PTPRD: variants seen among roughly 807,000 people sequenced by gnomAD.
The protein encoded by PTPRD is receptor-type tyrosine-protein phosphatase delta.
In PTPRD, 34 loss-of-function variants were observed where a neutral mutation model predicts 214.5. The observed-to-expected ratio is 0.16, with a 90% CI of 0.12 to 0.21. The LOEUF is 0.21. PTPRD is among the 10% of genes least tolerant of loss of function. PTPRD has a pLI of 1.00. For missense variants in PTPRD, 2,545 were observed against 2,398.7 expected (o/e 1.06, Z -1.27); for synonymous variants, 1,128 against 845.7 (o/e 1.33, Z -5.79).
At chr9:9,820,497 AC>A (rs532957302) in intron 5 of PTPRD, among the ~76,000 whole-genome samples, 15 of 152,188 alleles carry the variant, frequency 9.9e-5, no homozygotes, top group Middle Eastern at 3.4e-3. Flanking sequence ...ATTAGGTTCC[AC>A]TTGTCAATTT....
chr9:8,343,377 T>C (rs1854382117), intron 39 of PTPRD, among the ~76,000 whole-genome samples: 1 of 151,992 alleles, frequency 6.6e-6, no homozygotes, highest in South Asian at 2.1e-4. Context: ...TGACATGACA[T>C]TGATATATCA....
intron 2 of PTPRD, among the ~76,000 whole-genome samples, chr9:10,562,845 T>C (rs542122832): frequency 6.6e-6 from 1 of 152,096 alleles, no homozygotes; most frequent in Non-Finnish European, 1.5e-5. Context: ...CAAGATTTGC[T>C]CAGATACTTG....
intron 8 of PTPRD, among the ~76,000 whole-genome samples, chr9:9,460,148 G>A (rs2093503200): frequency 1.3e-5 from 2 of 151,798 alleles, no homozygotes; most frequent in Admixed American, 6.6e-5. Context: ...GCTATATGAA[G>A]AAAAGTGAAA....
intron 6 of PTPRD, among the ~76,000 whole-genome samples, chr9:9,738,328 T>C (rs1017928604): frequency 2.6e-5 from 4 of 152,194 alleles, no homozygotes; most frequent in African/African-American, 9.7e-5. Context: ...ACTGTAGTTT[T>C]AATGTTTGTC....
At chr9:9,864,186 G>C (rs1175162506) in intron 5 of PTPRD, among the ~76,000 whole-genome samples, 1 of 152,130 alleles carries the variant, frequency 6.6e-6, no homozygotes, top group African/African-American at 2.4e-5. Flanking sequence ...GGTGCCCGCA[G>C]TCCCAGCTAC....
At chr9:9,369,922 G>C (rs2058979699) in intron 9 of PTPRD, among the ~76,000 whole-genome samples, 1 of 152,124 alleles carries the variant, frequency 6.6e-6, no homozygotes, top group African/African-American at 2.4e-5. Flanking sequence ...GATAGTTGTA[G>C]ATACGCGGCA....
chr9:8,467,443 T>C (rs1387935600), intron 31 of PTPRD, among the ~76,000 whole-genome samples: 1 of 151,912 alleles, frequency 6.6e-6, no homozygotes. Context: ...ATCCTAAACA[T>C]GCATTAGCTC....
At chr9:8,941,401 T>C (rs2154295004) in intron 11 of PTPRD, among the ~76,000 whole-genome samples, 1 of 152,278 alleles carries the variant, frequency 6.6e-6, no homozygotes, top group African/African-American at 2.4e-5. Flanking sequence ...TATATAATTT[T>C]ATAACATATG....
intron 10 of PTPRD, among the ~76,000 whole-genome samples, chr9:9,173,853 T>C (rs1393251459): frequency 6.6e-6 from 1 of 152,116 alleles, no homozygotes; most frequent in Non-Finnish European, 1.5e-5. Flanking sequence ...TCCCCTACTC[T>C]AATGTGTTCT....
At chr9:10,014,815 G>C (rs1167458190) in intron 4 of PTPRD, among the ~76,000 whole-genome samples, 2 of 152,010 alleles carry the variant, frequency 1.3e-5, no homozygotes, top group Admixed American at 1.3e-4. Context: ...ATGTGACTAA[G>C]TGCGTGGTTA....
At chr9:9,467,948 C>G (rs1335220477) in intron 8 of PTPRD, among the ~76,000 whole-genome samples, 1 of 152,010 alleles carries the variant, frequency 6.6e-6, no homozygotes, top group Non-Finnish European at 1.5e-5. Context: ...ACAGGTTAGC[C>G]TACACATTTT....
chr9:10,377,773 T>G (rs1250586003), intron 2 of PTPRD, among the ~76,000 whole-genome samples: 3 of 152,022 alleles, frequency 2.0e-5, no homozygotes. Context: ...GGTTCAACCA[T>G]TGTGGAAGTA....
At position 8,911,398 on chromosome 9, in the gene PTPRD, C is replaced by G. The variant is rs145141141; in HGVS notation, c.-104+107299G>C. Among the ~76,000 whole-genome samples, 54 of 143,750 alleles carry G rather than the reference C, an allele frequency of 3.8e-4. 1 individual carries two copies. Among genetic ancestry groups the G allele is most frequent in the East Asian group, 1.1e-3 (5 of 4,672 alleles). 94.3% of individuals were successfully genotyped at this position (143,750 alleles called of 152,430 possible). On this transcript the variant is annotated intron_variant, in intron 11 of 45. Transcript: ENST00000381196. ...GAGAACTGGATGCCCATGTGTGTGT[C>G]TGTGTGTGTGTGTGTGTTGTGTGTG...
chr9:10,277,131 T>C (rs927147875), intron 3 of PTPRD, among the ~76,000 whole-genome samples: 1 of 152,074 alleles, frequency 6.6e-6, no homozygotes, highest in Non-Finnish European at 1.5e-5. Flanking sequence ...TAATGTCTCA[T>C]GCAGTATCAT....
chr9:10,238,803 T>C (rs1192374505), intron 3 of PTPRD, among the ~76,000 whole-genome samples: 3 of 151,996 alleles, frequency 2.0e-5, no homozygotes, highest in African/African-American at 4.8e-5. Context: ...AATTGAATAA[T>C]GTTTAAGGTG....
At chr9:8,631,449 G>T (rs2096248787) in intron 14 of PTPRD, among the ~76,000 whole-genome samples, 1 of 151,684 alleles carries the variant, frequency 6.6e-6, no homozygotes, top group African/African-American at 2.4e-5. Context: ...GTGTTCATTA[G>T]CCCATCTGGG....
intron 35 of PTPRD, among the ~76,000 whole-genome samples, chr9:8,433,115 G>T (rs530655590): frequency 4.1e-4 from 63 of 152,256 alleles, no homozygotes; most frequent in Middle Eastern, 3.4e-3. Flanking sequence ...TGACATTTCA[G>T]TCCACAACAA....
At chr9:10,313,814 A>G (rs1292210129) in intron 3 of PTPRD, among the ~76,000 whole-genome samples, 7 of 151,822 alleles carry the variant, frequency 4.6e-5, no homozygotes. Flanking sequence ...CTTCCATAAT[A>G]CCTTTCCCTT....
At chr9:9,283,664 T>C (rs1948490222) in intron 9 of PTPRD, among the ~76,000 whole-genome samples, 1 of 151,496 alleles carries the variant, frequency 6.6e-6, no homozygotes, top group African/African-American at 2.4e-5. Flanking sequence ...TGAGATTTAT[T>C]ATTGAACAAA....
Sources: gnomAD v4.1 joint callset for allele counts (sites outside exome capture counted in the v4.1 genomes callset) on GRCh38, gnomAD v4.1.1 for gene constraint, MANE v1.5 for transcripts, NCBI Gene and HGNC (gene_info 2026-07-23, HGNC 2026-07-21) for gene names.